Variants in DAB1 observed in about 807,000 individuals in gnomAD.
DAB1 encodes the protein DAB adaptor protein 1.
DAB1 carries 15 observed loss-of-function variants against 64.6 expected under a neutral mutation model. The observed-to-expected ratio is 0.23, with a 90% CI of 0.16 to 0.36. The LOEUF is 0.36. Among genes scored for constraint, DAB1 ranks in the 10% least tolerant of loss-of-function variants. DAB1 has a pLI of 1.00. For missense variants in DAB1, 596 were observed against 706.7 expected (o/e 0.84, Z 1.78); for synonymous variants, 235 against 251.9 (o/e 0.93, Z 0.64).
intron 7 of DAB1, among the ~76,000 whole-genome samples, chr1:57,432,314 A>G (rs897672114): frequency 2.0e-5 from 3 of 151,996 alleles, no homozygotes; most frequent in African/African-American, 4.8e-5. Context: ...TCATTGGGAA[A>G]CCAGTCCTCT....
chr1:58,374,785 C>T (rs1644307007), intron 3 of DAB1, among the ~76,000 whole-genome samples: 1 of 138,924 alleles, frequency 7.2e-6, no homozygotes, highest in South Asian at 2.3e-4. Flanking sequence ...TGGCCATTTT[C>T]ACGATCTTGA....
chr1:57,903,333 A>G (rs957731549), intron 5 of DAB1, among the ~76,000 whole-genome samples: 2 of 152,178 alleles, frequency 1.3e-5, no homozygotes, highest in African/African-American at 4.8e-5. Context: ...GGCTTCTATG[A>G]TCTTCTAAAA....
At chr1:57,168,461 C>T (rs544695910) in intron 2 of DAB1, among the ~76,000 whole-genome samples, 1 of 152,222 alleles carries the variant, frequency 6.6e-6, no homozygotes, top group Non-Finnish European at 1.5e-5. Context: ...AAATGAAGCC[C>T]AAGTCCCAGA....
chr1:57,538,039 ACAT>A (rs1015282589), intron 7 of DAB1, among the ~76,000 whole-genome samples: 2 of 152,062 alleles, frequency 1.3e-5, no homozygotes, highest in Non-Finnish European at 2.9e-5. Flanking sequence ...TATCCATGAG[ACAT>A]CCACCCCAGT....
chr1:57,602,858 C>T (rs1023652175), intron 7 of DAB1, among the ~76,000 whole-genome samples: 1 of 152,076 alleles, frequency 6.6e-6, no homozygotes, highest in Non-Finnish European at 1.5e-5. Context: ...GTTAGTCCTT[C>T]TGACTGCTCC....
intron 5 of DAB1, among the ~76,000 whole-genome samples, chr1:57,940,904 G>A (rs896961849): frequency 5.9e-5 from 9 of 152,120 alleles, no homozygotes; most frequent in African/African-American, 1.2e-4. Flanking sequence ...GAATCCCTAC[G>A]TGATGGGGAG....
At chr1:57,582,115 A>T (rs964199120) in intron 7 of DAB1, among the ~76,000 whole-genome samples, 7 of 152,118 alleles carry the variant, frequency 4.6e-5, no homozygotes, top group African/African-American at 9.7e-5. Context: ...ACCCTCAATG[A>T]CCTCATTTAA....
chr1:58,184,873 T>C (rs552043288), intron 4 of DAB1, among the ~76,000 whole-genome samples: 3 of 152,198 alleles, frequency 2.0e-5, no homozygotes, highest in Non-Finnish European at 4.4e-5. Context: ...ATACATTGGT[T>C]GAGCTCTTAA....
intron 1 of DAB1, among the ~76,000 whole-genome samples, chr1:57,371,221 G>A (rs1410818502): frequency 2.6e-5 from 4 of 152,174 alleles, no homozygotes; most frequent in East Asian, 1.9e-4. Context: ...AATTTCAAAC[G>A]AGGCAAAGTA....
chr1:58,233,879 C>T (rs776570856), intron 4 of DAB1, among the ~76,000 whole-genome samples: 10 of 152,168 alleles, frequency 6.6e-5, no homozygotes, highest in Non-Finnish European at 1.3e-4. Flanking sequence ...AGAGTATGAA[C>T]GCCTGAGTGA....
At chr1:58,059,608 T>C (rs1480195807) in intron 5 of DAB1, among the ~76,000 whole-genome samples, 1 of 152,224 alleles carries the variant, frequency 6.6e-6, no homozygotes, top group Non-Finnish European at 1.5e-5. Context: ...ATTTAGGAAC[T>C]ATGGGGGCTA....
chr1:58,385,405 C>A (rs570489984), intron 3 of DAB1, among the ~76,000 whole-genome samples: 3 of 152,326 alleles, frequency 2.0e-5, no homozygotes, highest in African/African-American at 7.2e-5. Flanking sequence ...AGGTTTCATT[C>A]ACCTTCCAAA....
At chr1:57,019,586 T>G (rs529294902) in intron 11 of DAB1, among the ~76,000 whole-genome samples, 1 of 152,338 alleles carries the variant, frequency 6.6e-6, no homozygotes, top group East Asian at 1.9e-4. Context: ...GAGTTAAGGC[T>G]GTCTGGCCAC....
At chr1:57,258,260 G>A (rs1669914428) in intron 2 of DAB1, among the ~76,000 whole-genome samples, 2 of 152,126 alleles carry the variant, frequency 1.3e-5, no homozygotes, top group African/African-American at 4.8e-5. Context: ...AGGAAACTGG[G>A]GCTCAGGGAA....
chr1:57,885,367 G>A (rs886127456), upstream of DAB1, among the ~76,000 whole-genome samples: 2 of 152,136 alleles, frequency 1.3e-5, no homozygotes, highest in Admixed American at 6.5e-5. Flanking sequence ...TTCTAGCCCC[G>A]GCACCCTGCA....
At chr1:58,112,218 C>A (rs1652004027) in intron 5 of DAB1, among the ~76,000 whole-genome samples, 1 of 152,186 alleles carries the variant, frequency 6.6e-6, no homozygotes, top group South Asian at 2.1e-4. Context: ...TTTACTCATT[C>A]CAGTTGGAAA....
chr1:58,063,241 T>C (rs976541775), intron 5 of DAB1, among the ~76,000 whole-genome samples: 1 of 152,070 alleles, frequency 6.6e-6, no homozygotes, highest in Non-Finnish European at 1.5e-5. Flanking sequence ...GTGCTGTAAA[T>C]AACAGAATGT....
intron 4 of DAB1, among the ~76,000 whole-genome samples, chr1:57,077,645 T>C (rs1317008690): frequency 6.6e-6 from 1 of 152,232 alleles, no homozygotes; most frequent in Non-Finnish European, 1.5e-5. Context: ...AGTGTTTAAA[T>C]GAAGTATCAA....
intron 2 of DAB1, among the ~76,000 whole-genome samples, chr1:57,210,635 AAC>A (rs939297832): frequency 6.6e-6 from 1 of 152,044 alleles, no homozygotes; most frequent in East Asian, 1.9e-4. Context: ...AATGTACCTA[AAC>A]ACACACACAC....
Sources: allele counts gnomAD v4.1 joint callset (sites outside exome capture counted in the v4.1 genomes callset), GRCh38; gene constraint gnomAD v4.1.1; transcripts MANE v1.5; gene names NCBI Gene and HGNC (gene_info 2026-07-23, HGNC 2026-07-21).